The following FLVCR2 variants were observed in gnomAD, a reference collection of about 807,000 sequenced individuals.
FLVCR2 encodes choline/ethanolamine transporter FLVCR2.
Under a neutral mutation model 48.9 loss-of-function variants are expected in FLVCR2, and 38 were observed. That is an observed-to-expected ratio of 0.78 (90% CI 0.60 to 1.02). The LOEUF (loss-of-function observed/expected upper bound fraction) is 1.02. Among genes scored for constraint, FLVCR2 ranks in the 50% least tolerant of loss-of-function variants. FLVCR2 has a pLI of 0.00. For synonymous variants in FLVCR2, 255 were observed against 257.0 expected, an observed-to-expected ratio of 0.99 and a Z score of 0.07; for missense variants, 664 against 663.3, an observed-to-expected ratio of 1.00 and a Z score of -0.01.
At chr14:75,602,791 G>C (rs1369335812) in intron 1 of FLVCR2, among the ~76,000 whole-genome samples, 3 of 152,140 alleles carry the variant, frequency 2.0e-5, no homozygotes, top group African/African-American at 7.2e-5. Context: ...ACTTAACGCT[G>C]CTGAACTATA....
At chr14:75,599,333 C>CT (rs199736728) in intron 1 of FLVCR2, among the ~76,000 whole-genome samples, 1 of 151,262 alleles carries the variant, frequency 6.6e-6, no homozygotes, top group Admixed American at 6.6e-5. Context: ...AACACCCCCC[C>CT]CCAAAAAATT....
intron 3 of FLVCR2, chr14:75,631,927 G>A: frequency 6.8e-6 from 3 of 444,036 alleles, no homozygotes; most frequent in South Asian, 3.2e-5. Context: ...AGTGATGTTT[G>A]GGGACATGTC....
intron 1 of FLVCR2, among the ~76,000 whole-genome samples, chr14:75,618,748 G>A (rs891835216): frequency 6.6e-6 from 1 of 152,208 alleles, no homozygotes; most frequent in Non-Finnish European, 1.5e-5. Context: ...AGACTTCCGT[G>A]TTGACTAGTA....
chr14:75,588,734 C>T (rs565727232), intron 1 of FLVCR2, among the ~76,000 whole-genome samples: 1 of 152,332 alleles, frequency 6.6e-6, no homozygotes, highest in South Asian at 2.1e-4. Context: ...CTGCCTCGGC[C>T]TCCCAAAGTG....
intron 1 of FLVCR2, among the ~76,000 whole-genome samples, chr14:75,619,622 G>A (rs1266440110): frequency 6.6e-6 from 1 of 152,236 alleles, no homozygotes; most frequent in African/African-American, 2.4e-5. Context: ...AAAAACAAAA[G>A]AGGAAGCAGC....
intron 3 of FLVCR2, among the ~76,000 whole-genome samples, chr14:75,628,082 CTG>C (rs1197679164): frequency 6.6e-6 from 1 of 152,198 alleles, no homozygotes; most frequent in Non-Finnish European, 1.5e-5. Flanking sequence ...TCTTTTCCTA[CTG>C]TGTTTGTTCC....
At chr14:75,612,964 A>G (rs2140028792) in intron 1 of FLVCR2, among the ~76,000 whole-genome samples, 1 of 152,302 alleles carries the variant, frequency 6.6e-6, no homozygotes, top group South Asian at 2.1e-4. Context: ...GATGCTGGCC[A>G]AGGGGTAGAG....
chr14:75,644,110 G>C (rs775316315), intron 9 of FLVCR2, among the ~76,000 whole-genome samples: 2 of 150,062 alleles, frequency 1.3e-5, no homozygotes, highest in Non-Finnish European at 3.0e-5. Flanking sequence ...CTAGTGAAAG[G>C]TTTCAGTTTG....
intron 1 of FLVCR2, among the ~76,000 whole-genome samples, chr14:75,601,792 T>C (rs918074771): frequency 6.6e-6 from 1 of 152,202 alleles, no homozygotes; most frequent in Non-Finnish European, 1.5e-5. Context: ...TGCTTCCAGA[T>C]GAATGAATAA....
intron 5 of FLVCR2, among the ~76,000 whole-genome samples, 153 bp from the exon 6 acceptor site, chr14:75,639,199 A>T (rs1890241480): frequency 6.6e-6 from 1 of 152,322 alleles, no homozygotes; most frequent in Non-Finnish European, 1.5e-5. Context: ...CAACAGAGCA[A>T]GACACTGTCT....
chr14:75,588,839 G>C (rs1326596220), intron 1 of FLVCR2, among the ~76,000 whole-genome samples: 2 of 152,162 alleles, frequency 1.3e-5, no homozygotes, highest in African/African-American at 4.8e-5. Context: ...ATGGACCCCA[G>C]AATTTTATGT....
intron 1 of FLVCR2, among the ~76,000 whole-genome samples, chr14:75,621,828 G>A (rs934610178): frequency 2.0e-5 from 3 of 152,156 alleles, no homozygotes; most frequent in East Asian, 3.8e-4. Flanking sequence ...GAGCCAGCCC[G>A]CACTGAGACC....
Position 75,585,714 on chromosome 14 carries a change from G to A in FLVCR2, c.669+6073G>A, listed in dbSNP as rs556446376. 6.0e-4 allele frequency among the ~76,000 whole-genome samples: 91 copies of A among 152,216 alleles called. No homozygotes were observed. The South Asian group carries it at 0.017, about 29-fold the overall frequency. ...AGTGTGGGTGAATTATCAGGCAGGC[G>A]TCCCCGCAATGATTAAACACCAAGG... is the stretch of plus-strand genomic sequence containing the variant. On this transcript the variant is annotated intron_variant, in intron 1 of 9. Transcript: ENST00000238667.
At chr14:75,640,854 G>T (rs977448492) in intron 6 of FLVCR2, 101 bp from the exon 7 acceptor site, 3 of 836,334 alleles carry the variant, frequency 3.6e-6, no homozygotes, top group Admixed American at 1.8e-5. Context: ...TTGGTGGGAA[G>T]AAACAAAACA....
intron 8 of FLVCR2, 92 bp from the exon 9 acceptor site, chr14:75,641,751 C>T (rs1211008603): frequency 2.0e-5 from 24 of 1,186,256 alleles, no homozygotes; most frequent in Non-Finnish European, 2.7e-5. Context: ...GTTTGGGATA[C>T]CTGTGACCCT....
chr14:75,627,524 G>A (rs941552638), intron 3 of FLVCR2, among the ~76,000 whole-genome samples: 7 of 152,172 alleles, frequency 4.6e-5, no homozygotes, highest in South Asian at 2.1e-4. Flanking sequence ...CCTCGCAGCC[G>A]TGGAGCTGTG....
chr14:75,586,905 A>G (rs1594789977), intron 1 of FLVCR2, among the ~76,000 whole-genome samples: 1 of 152,138 alleles, frequency 6.6e-6, no homozygotes, highest in Non-Finnish European at 1.5e-5. Flanking sequence ...GCCAGGAGCC[A>G]AGATTCAGAT....
At chr14:75,625,442 A>T (rs1024459494) in intron 3 of FLVCR2, among the ~76,000 whole-genome samples, 6 of 151,882 alleles carry the variant, frequency 4.0e-5, no homozygotes, top group African/African-American at 1.5e-4. Flanking sequence ...CTGTAATAAG[A>T]TTGTTGGATC....
chr14:75,623,433 G>T (rs748068022), intron 2 of FLVCR2, among the ~76,000 whole-genome samples: 1 of 151,996 alleles, frequency 6.6e-6, no homozygotes, highest in Non-Finnish European at 1.5e-5. Context: ...TTTTCAGTTA[G>T]TCACCTGTCT....
Sources: allele counts gnomAD v4.1 joint callset (sites outside exome capture counted in the v4.1 genomes callset), GRCh38; gene constraint gnomAD v4.1.1; transcripts MANE v1.5; gene names NCBI Gene and HGNC (gene_info 2026-07-23, HGNC 2026-07-21).